The following VWA3B variants were observed in gnomAD, a reference collection of about 807,000 sequenced individuals.
VWA3B encodes the protein von Willebrand factor A domain containing 3B.
VWA3B carries 138 observed loss-of-function variants against 158.3 expected under a neutral mutation model. The observed-to-expected ratio is 0.87, with a 90% confidence interval of 0.76 to 1.00. The LOEUF (loss-of-function observed/expected upper bound fraction) is 1.00. VWA3B is among the 50% of genes least tolerant of loss of function. The pLI is 0.00. For missense variants in VWA3B, 1,555 were observed against 1,565.1 expected, an observed-to-expected ratio of 0.99 and a Z score of 0.11; for synonymous variants, 596 against 587.3, an observed-to-expected ratio of 1.01 and a Z score of -0.21.
At chr2:98,132,226 C>G (rs534437543) in intron 6 of VWA3B, among the ~76,000 whole-genome samples, 1 of 152,374 alleles carries the variant, frequency 6.6e-6, no homozygotes, top group African/African-American at 2.4e-5. Flanking sequence ...ATCCTCCTGT[C>G]CATGCTCTGG....
Position 98,260,626 on chromosome 2 carries a change from C to A in VWA3B, c.2843+4452C>A, listed in dbSNP as rs961157063. Among the ~76,000 whole-genome samples the A allele has an allele frequency of 1.3e-5, 2 of 151,622 alleles. 1 individual carries two copies. The highest frequency in any genetic ancestry group is 4.1e-4 in the South Asian group (2 of 4,828). On this transcript the variant is annotated intron_variant, in intron 21 of 27. Coordinates refer to ENST00000477737, the MANE Select transcript of VWA3B (RefSeq NM_144992.5). ...TGGCTTCCATAGGGGGTGCTAGAAC[C>A]AATCCCCCATGGATACCAAGGCATA...
At chr2:98,241,796 A>G (rs1048307729) in intron 19 of VWA3B, among the ~76,000 whole-genome samples, 1 of 152,138 alleles carries the variant, frequency 6.6e-6, no homozygotes, top group African/African-American at 2.4e-5. Context: ...GCACGTAGGT[A>G]GGCACTGCAC....
At chr2:98,330,075 C>A in the VWA3B span, among the ~76,000 whole-genome samples, 20 of 152,200 alleles carry the variant, frequency 1.3e-4, no homozygotes, top group Non-Finnish European at 1.5e-5. Flanking sequence ...CCTACAACAT[C>A]TGGGACTGCT....
chr2:98,230,174 CA>C lies in VWA3B; in HGVS notation c.2279del (p.Lys760ArgfsTer47). 6.3e-7 allele frequency: 1 copy of C among 1,589,114 alleles called. No individual in the cohort carries two copies. The highest frequency in any genetic ancestry group is 1.9e-5 in the Admixed American group (1 of 52,072). Reference protein sequence around the residue: ...MLKGPWGLSDQKVQKKKVLHA... With the variant: ...MLKGPWGLSDXKVQKKKVLHA... ...GAAGGGACCATGGGGCCTTTCAGAT[CA>C]AAAGGTTCAGAAAAAGAAAGTCCTT... On this transcript the variant is annotated frameshift_variant, in exon 16 of 28. Coordinates refer to ENST00000477737, the MANE Select transcript of VWA3B (RefSeq NM_144992.5). LOFTEE classifies it high-confidence loss of function.
chr2:98,246,890 GAACTTTTTTT>G (rs781498079), intron 19 of VWA3B, among the ~76,000 whole-genome samples: 3 of 151,756 alleles, frequency 2.0e-5, no homozygotes, highest in Non-Finnish European at 2.9e-5. Context: ...GAATATATTT[GAACTTTTTTT>G]AACCTCTTAT....
At chr2:98,233,941 C>T (rs1310373812) in intron 16 of VWA3B, among the ~76,000 whole-genome samples, 1 of 152,198 alleles carries the variant, frequency 6.6e-6, no homozygotes, top group African/African-American at 2.4e-5. Flanking sequence ...GGCTCATTGT[C>T]CTCTAAAGCA....
At chr2:98,243,382 G>A (rs972751899) in intron 19 of VWA3B, among the ~76,000 whole-genome samples, 1 of 151,902 alleles carries the variant, frequency 6.6e-6, no homozygotes, top group Non-Finnish European at 1.5e-5. Flanking sequence ...TGCCCAGGCT[G>A]GAGTGCAATG....
chr2:98,159,464 G>C (rs1248289899), intron 7 of VWA3B, among the ~76,000 whole-genome samples: 1 of 152,000 alleles, frequency 6.6e-6, no homozygotes, highest in Non-Finnish European at 1.5e-5. Context: ...AGCCAGGCTG[G>C]TCTCAAACAC....
intron 7 of VWA3B, among the ~76,000 whole-genome samples, chr2:98,153,492 A>G (rs1677804846): frequency 6.6e-6 from 1 of 152,208 alleles, no homozygotes; most frequent in Non-Finnish European, 1.5e-5. Flanking sequence ...TTATTTACAT[A>G]AGGACACATT....
chr2:98,242,708 T>C (rs1686157262), intron 19 of VWA3B, among the ~76,000 whole-genome samples: 1 of 147,388 alleles, frequency 6.8e-6, no homozygotes, highest in African/African-American at 2.5e-5. Context: ...TAATCTAGTA[T>C]GCAGTGCACC....
chr2:98,162,861 CAGAG>C lies in VWA3B; in HGVS notation c.1002_1005del (p.Glu335ThrfsTer64). On this transcript the variant is annotated frameshift_variant, in exon 8 of 28. Coordinates refer to ENST00000477737, the MANE Select transcript of VWA3B (RefSeq NM_144992.5). LOFTEE classifies it high-confidence loss of function. ...TGTCTCCCCTTTTAGGAGCTGGAGT[CAGAG>C]AGGACGTGTTTCTCGTTTGGCAAGA... 6.2e-7 allele frequency: 1 copy of C among 1,613,632 alleles called. No individual in the cohort carries two copies. The highest frequency in any genetic ancestry group is 1.1e-5 in the South Asian group (1 of 91,040).
At chr2:98,292,456 C>T (rs1001419036) in intron 23 of VWA3B, among the ~76,000 whole-genome samples, 9 of 151,984 alleles carry the variant, frequency 5.9e-5, no homozygotes, top group African/African-American at 2.2e-4. Flanking sequence ...TGGGAGTTGC[C>T]TGGATGAGAG....
At position 98,188,069 on chromosome 2, in the gene VWA3B, A is replaced by G; in HGVS notation, c.1406A>G (p.Lys469Arg). ...DGSLVHVNIT[K>R]EKCKWYSERI... ...AGCTTGGTCCACGTCAACATTACCA[A>G]AGAGAAGTGCAAGTGGTACAGTGAG... is the stretch of plus-strand genomic sequence containing the variant. The change falls in exon 10 of 28, where the codon AAA becomes AGA. Residue 469 changes from lysine (K) to arginine (R), a missense_variant. Lys to Arg is a conservative substitution (Grantham distance 26). Coordinates refer to ENST00000477737, the MANE Select transcript of VWA3B (RefSeq NM_144992.5). The G allele has an allele frequency of 6.2e-7, 1 of 1,614,006 alleles. No individual in the cohort carries two copies. Among genetic ancestry groups the G allele is most frequent in the Non-Finnish European group, 8.5e-7 (1 of 1,179,958 alleles).
intron 8 of VWA3B, among the ~76,000 whole-genome samples, chr2:98,180,097 TTTC>T (rs1680429965): frequency 1.3e-5 from 2 of 150,302 alleles, no homozygotes; most frequent in Admixed American, 6.6e-5. Flanking sequence ...TCTTTCTTTC[TTTC>T]TTTTCTTTCT....
At chr2:98,285,422 A>AC (rs1689111109) in intron 22 of VWA3B, among the ~76,000 whole-genome samples, 1 of 152,094 alleles carries the variant, frequency 6.6e-6, no homozygotes. Context: ...TTTTATAGTT[A>AC]TAAATTTTCA....
At chr2:98,140,958 C>A (rs1676735968) in intron 7 of VWA3B, among the ~76,000 whole-genome samples, 1 of 152,200 alleles carries the variant, frequency 6.6e-6, no homozygotes, top group Non-Finnish European at 1.5e-5. Flanking sequence ...GTGCCCCAGG[C>A]CCCCTCACCA....
chr2:98,244,479 C>T (rs1686268615), intron 19 of VWA3B, among the ~76,000 whole-genome samples: 1 of 152,128 alleles, frequency 6.6e-6, no homozygotes, highest in South Asian at 2.1e-4. Flanking sequence ...GGAAACACCT[C>T]TTAAATAGCA....
At chr2:98,321,602 G>C in the VWA3B span, among the ~76,000 whole-genome samples, 1 of 152,208 alleles carries the variant, frequency 6.6e-6, no homozygotes, top group Non-Finnish European at 1.5e-5. Flanking sequence ...TTTAAGATGT[G>C]ACTGCCCTAA....
At chr2:98,169,209 G>A (rs946851079) in intron 8 of VWA3B, among the ~76,000 whole-genome samples, 18 of 152,148 alleles carry the variant, frequency 1.2e-4, no homozygotes, top group Admixed American at 4.6e-4. Flanking sequence ...GAAACATTCA[G>A]CCTGGAATTC....
Sources: allele counts gnomAD v4.1 joint callset (sites outside exome capture counted in the v4.1 genomes callset), GRCh38; gene constraint gnomAD v4.1.1; transcripts MANE v1.5; gene names NCBI Gene and HGNC (gene_info 2026-07-23, HGNC 2026-07-21).